Variants in NCOR2 observed in about 807,000 individuals in gnomAD.
The protein encoded by NCOR2 is CTG repeat protein 26.
NCOR2 carries 81 observed loss-of-function variants against 262.9 expected under a neutral mutation model. The observed-to-expected ratio is 0.31, with a 90% CI of 0.26 to 0.37. The LOEUF is 0.37. NCOR2 is among the 10% of genes least tolerant of loss of function. NCOR2 has a pLI of 1.00. For synonymous variants in NCOR2, 1,659 were observed against 1,559.3 expected (o/e 1.06, Z -1.51); for missense variants, 3,385 against 3,621.4 (o/e 0.93, Z 1.68).
At position 124,549,449 on chromosome 12, in the gene NCOR2, G is replaced by A. The variant is rs983951742; in HGVS notation, c.-164-13838C>T. On this transcript the variant is annotated intron_variant, in intron 1 of 32. Coordinates refer to the NCOR2 transcript ENST00000458234. The surrounding 1 kb of genome is among the most constrained non-coding windows in gnomAD (Gnocchi z 4.4). ...ATCTCTGCTGAGCTGGCTCCTTGGG[G>A]GCCTGGGGAGGAAGGCAACTGAGCC... Among the ~76,000 whole-genome samples, 9 of 152,132 alleles carry A rather than the reference G, an allele frequency of 5.9e-5. No homozygotes were observed. Among genetic ancestry groups the A allele is most frequent in the African/African-American group, 2.2e-4 (9 of 41,406 alleles).
chr12:124,564,270 T>C (rs374325726), intron 1 of NCOR2, among the ~76,000 whole-genome samples: 8 of 152,302 alleles, frequency 5.3e-5, no homozygotes, highest in African/African-American at 1.7e-4. Context: ...CGCACCCACC[T>C]AGGGACACAG....
chr12:124,478,996 A>G (rs2047253287), intron 3 of NCOR2, among the ~76,000 whole-genome samples: 1 of 152,170 alleles, frequency 6.6e-6, no homozygotes, highest in African/African-American at 2.4e-5. Context: ...GAGCAACGGT[A>G]AGGGACGGAG....
At chr12:124,495,772 C>T (rs1489160570), upstream of NCOR2, among the ~76,000 whole-genome samples, 3 of 152,128 alleles carry the variant, frequency 2.0e-5, no homozygotes, top group African/African-American at 4.8e-5. The surrounding 1 kb of genome is among the most constrained non-coding windows in gnomAD (Gnocchi z 4.4). Context: ...GAGGGGCGGC[C>T]GGCAGCAGGG....
At chr12:124,546,360 T>C (rs1194507269) in intron 1 of NCOR2, among the ~76,000 whole-genome samples, 2 of 152,248 alleles carry the variant, frequency 1.3e-5, no homozygotes, top group Middle Eastern at 3.2e-3. Flanking sequence ...TATGGTGGTC[T>C]GAAAACAAAC....
chr12:124,383,122 A>C (rs1740660220), intron 17 of NCOR2, among the ~76,000 whole-genome samples: 2 of 152,224 alleles, frequency 1.3e-5, no homozygotes, highest in African/African-American at 2.4e-5. Flanking sequence ...TCTGGGGCAT[A>C]CTAGGCCGCA....
chr12:124,408,156 C>T (rs2042376753), intron 13 of NCOR2, among the ~76,000 whole-genome samples: 1 of 152,104 alleles, frequency 6.6e-6, no homozygotes, highest in Non-Finnish European at 1.5e-5. Context: ...AAATCGAGAC[C>T]ATCCTGGCTA....
At chr12:124,452,862 A>G (rs2045630657) in intron 6 of NCOR2, among the ~76,000 whole-genome samples, 1 of 152,294 alleles carries the variant, frequency 6.6e-6, no homozygotes, top group South Asian at 2.1e-4. Flanking sequence ...GGGGCCCACA[A>G]GGCGAAGGCC....
At chr12:124,340,312 C>T (rs767181136) in exon 36 of NCOR2, 20 of 1,611,764 alleles carry the variant, frequency 1.2e-5, no homozygotes, top group African/African-American at 8.0e-5. Context: ...CAGATGGGTG[C>T]GTGCTCCACC....
At chr12:124,331,965 C>T (rs1016037815) in intron 43 of NCOR2, 27 of 259,946 alleles carry the variant, frequency 1.0e-4, no homozygotes, top group South Asian at 3.9e-4. Flanking sequence ...CCAGCAACCA[C>T]GTCAATGGGT....
chr12:124,494,764 T>C (rs1196603353), intron 1 of NCOR2, among the ~76,000 whole-genome samples: 2 of 152,074 alleles, frequency 1.3e-5, no homozygotes, highest in Non-Finnish European at 2.9e-5. Context: ...CCGGCCCCCT[T>C]GCCCCCTGGA....
At chr12:124,377,296 G>A (rs952963055) in intron 18 of NCOR2, among the ~76,000 whole-genome samples, 1 of 152,146 alleles carries the variant, frequency 6.6e-6, no homozygotes, top group Non-Finnish European at 1.5e-5. Context: ...CTAGTCTACA[G>A]CTGGTGCAAA....
intron 1 of NCOR2, among the ~76,000 whole-genome samples, chr12:124,493,551 CT>C (rs1305253080): frequency 1.3e-5 from 2 of 152,194 alleles, no homozygotes; most frequent in Admixed American, 1.3e-4. Flanking sequence ...GTTTCCTACC[CT>C]GTGAAATATT....
chr12:124,363,139 C>T (rs1027083904), intron 21 of NCOR2, among the ~76,000 whole-genome samples: 3 of 152,258 alleles, frequency 2.0e-5, no homozygotes, highest in Non-Finnish European at 4.4e-5. Context: ...TGTAGCCTGA[C>T]ACGCCCTGAG....
intron 1 of NCOR2, among the ~76,000 whole-genome samples, chr12:124,502,127 G>A (rs1273188241): frequency 6.6e-6 from 1 of 152,226 alleles, no homozygotes; most frequent in Non-Finnish European, 1.5e-5. Flanking sequence ...CAGCTCTGGA[G>A]TGAGTCCTGA....
chr12:124,355,011 C>T (rs1467593079), intron 24 of NCOR2, 72 bp from the exon 27 acceptor site: 1 of 1,353,316 alleles, frequency 7.4e-7, no homozygotes. Context: ...GCCTGACGCT[C>T]CTGTTCAAAA....
chr12:124,378,149 G>C lies in NCOR2; in HGVS notation c.2167+88C>G. ...AGGACCCAGATGACTCAGGGGAGAG[G>C]AGGCTGCCGGGATCAGTTCCCGCTA... is the stretch of plus-strand genomic sequence containing the variant. On this transcript the variant is annotated intron_variant, in intron 18 of 46. Coordinates refer to ENST00000405201, the Ensembl canonical transcript of NCOR2. The surrounding 1 kb of genome is among the most constrained non-coding windows in gnomAD (Gnocchi z 4.2). 1 of 1,539,974 alleles carries C rather than the reference G, an allele frequency of 6.5e-7. No homozygotes were observed.
intron 1 of NCOR2, among the ~76,000 whole-genome samples, chr12:124,512,873 G>A (rs2049486341): frequency 6.6e-6 from 1 of 152,186 alleles, no homozygotes. Flanking sequence ...GGGCCAAACT[G>A]ACAGTGAGTC....
chr12:124,484,086 G>T (rs1310447018), intron 2 of NCOR2, among the ~76,000 whole-genome samples: 2 of 152,166 alleles, frequency 1.3e-5, no homozygotes, highest in African/African-American at 2.4e-5. Flanking sequence ...ACCTGGGGCT[G>T]GCTACAATGC....
chr12:124,489,483 G>C (rs974726449), intron 1 of NCOR2, among the ~76,000 whole-genome samples: 2 of 152,200 alleles, frequency 1.3e-5, no homozygotes, highest in Non-Finnish European at 2.9e-5. Flanking sequence ...GGCTGAGCTG[G>C]CTTTCTGAGG....
Sources: allele counts gnomAD v4.1 joint callset (sites outside exome capture counted in the v4.1 genomes callset), GRCh38; gene constraint gnomAD v4.1.1; non-coding constraint Gnocchi (gnomAD v3.1); transcripts MANE v1.5; gene names NCBI Gene and HGNC (gene_info 2026-07-23, HGNC 2026-07-21).